Variants in RBFOX1 observed in about 807,000 individuals in gnomAD.
The protein encoded by RBFOX1 is RNA binding protein fox-1 homolog 1.
Under a neutral mutation model 57.7 loss-of-function variants are expected in RBFOX1, and 8 were observed. That is an observed-to-expected ratio of 0.14 (90% confidence interval 0.08 to 0.25). The LOEUF (loss-of-function observed/expected upper bound fraction) is 0.25, where lower values mean the gene tolerates loss of function less well. Ranked by LOEUF, RBFOX1 falls within the 10% of genes least tolerant of loss-of-function variation. The pLI is 1.00. For synonymous variants in RBFOX1, 326 were observed against 222.4 expected, an observed-to-expected ratio of 1.47 and a Z score of -4.15; for missense variants, 611 against 548.5, an observed-to-expected ratio of 1.11 and a Z score of -1.14.
At chr16:6,904,220 C>G (rs774988575) in intron 3 of RBFOX1, among the ~76,000 whole-genome samples, 2 of 152,276 alleles carry the variant, frequency 1.3e-5, no homozygotes, top group East Asian at 1.9e-4. Context: ...ACTTTTGATG[C>G]ACATGTGTGT....
At chr16:5,427,468 C>G (rs1243550195) in intron 1 of RBFOX1, among the ~76,000 whole-genome samples, 2 of 152,082 alleles carry the variant, frequency 1.3e-5, no homozygotes, top group African/African-American at 4.8e-5. Context: ...GCCTGTAACC[C>G]CAGCTACTGG....
chr16:6,642,880 C>G lies in RBFOX1; in HGVS notation c.-63-11723C>G, dbSNP rs74377805. Among the ~76,000 whole-genome samples the G allele has an allele frequency of 4.3e-4, 66 of 152,246 alleles. 2 individuals carry two copies. In the East Asian group the frequency reaches 6.4e-3, roughly 15 times the overall value. On this transcript the variant is annotated intron_variant, in intron 2 of 15. Transcript: ENST00000550418. ...CTGCAACCTACCCAACTAAGGTAAACTTTACTCCCTTGGTTGAAGTGATTT... is the reference window on the plus strand; with the variant it reads ...CTGCAACCTACCCAACTAAGGTAAAGTTTACTCCCTTGGTTGAAGTGATTT...
chr16:6,794,866 C>T (rs914269976), intron 3 of RBFOX1, among the ~76,000 whole-genome samples: 3 of 151,870 alleles, frequency 2.0e-5, no homozygotes, highest in Non-Finnish European at 2.9e-5. Flanking sequence ...CTTTTTTCCC[C>T]CTATGAAAAA....
chr16:5,580,725 G>T (rs533940313), intron 2 of RBFOX1, among the ~76,000 whole-genome samples: 2 of 152,314 alleles, frequency 1.3e-5, no homozygotes, highest in Non-Finnish European at 2.9e-5. Flanking sequence ...CATAGAGGCC[G>T]AGAGGTGGGG....
At chr16:6,504,324 C>A (rs181337713) in intron 2 of RBFOX1, among the ~76,000 whole-genome samples, 2 of 152,326 alleles carry the variant, frequency 1.3e-5, no homozygotes, top group African/African-American at 4.8e-5. Flanking sequence ...GCTTCAACTT[C>A]ACATTCCCCT....
chr16:7,550,593 G>A (rs1043327261), intron 5 of RBFOX1, among the ~76,000 whole-genome samples: 2 of 152,008 alleles, frequency 1.3e-5, no homozygotes, highest in Non-Finnish European at 2.9e-5. Context: ...AACAAACAGT[G>A]CTCAAAAAGG....
chr16:5,910,225 G>C (rs2058572650), intron 4 of RBFOX1, among the ~76,000 whole-genome samples: 1 of 152,144 alleles, frequency 6.6e-6, no homozygotes, highest in Non-Finnish European at 1.5e-5. Context: ...GGGAACTAAA[G>C]TGGGTAGAGA....
chr16:7,697,450 C>G (rs2079140737), intron 14 of RBFOX1, among the ~76,000 whole-genome samples: 1 of 152,084 alleles, frequency 6.6e-6, no homozygotes, highest in Non-Finnish European at 1.5e-5. Flanking sequence ...GCTGAACTCT[C>G]CAAGGTGTAA....
At chr16:7,590,863 GAAAAAAA>G (rs36061659) in intron 7 of RBFOX1, among the ~76,000 whole-genome samples, 5 of 102,900 alleles carry the variant, frequency 4.9e-5, no homozygotes, top group East Asian at 3.2e-4. Context: ...CTGTCTCTAA[GAAAAAAA>G]AAAAAAAAAA....
chr16:5,343,796 G>T (rs11863330), intron 1 of RBFOX1, among the ~76,000 whole-genome samples: 5 of 152,042 alleles, frequency 3.3e-5, no homozygotes, highest in African/African-American at 4.8e-5. Flanking sequence ...AAGGCAAAAG[G>T]GTTATTTGAT....
chr16:7,140,559 T>A (rs1004294299), intron 4 of RBFOX1, among the ~76,000 whole-genome samples: 1 of 152,160 alleles, frequency 6.6e-6, no homozygotes, highest in Non-Finnish European at 1.5e-5. Flanking sequence ...AATGAATGCA[T>A]TGATGAATTT....
At chr16:6,878,096 T>A (rs1376744068) in intron 3 of RBFOX1, among the ~76,000 whole-genome samples, 1 of 152,160 alleles carries the variant, frequency 6.6e-6, no homozygotes, top group African/African-American at 2.4e-5. Flanking sequence ...GGCTGAGATA[T>A]ATGGTGGCGT....
chr16:6,847,214 T>C (rs543775902), intron 3 of RBFOX1, among the ~76,000 whole-genome samples: 1 of 152,140 alleles, frequency 6.6e-6, no homozygotes, highest in African/African-American at 2.4e-5. Context: ...TAATACTGCA[T>C]AACAACATTT....
intron 3 of RBFOX1, among the ~76,000 whole-genome samples, chr16:6,961,541 T>C (rs1197115819): frequency 6.6e-6 from 1 of 152,186 alleles, no homozygotes; most frequent in African/African-American, 2.4e-5. Flanking sequence ...GCAAGTTTAT[T>C]AGACGAGCGA....
At chr16:7,055,923 T>G (rs903416387) in intron 4 of RBFOX1, among the ~76,000 whole-genome samples, 1 of 152,194 alleles carries the variant, frequency 6.6e-6, no homozygotes, top group Non-Finnish European at 1.5e-5. Context: ...GAATTCTGGT[T>G]TGTGGAATTT....
intron 3 of RBFOX1, among the ~76,000 whole-genome samples, chr16:5,714,809 G>A (rs925175396): frequency 6.6e-5 from 10 of 152,112 alleles, no homozygotes; most frequent in African/African-American, 2.2e-4. Flanking sequence ...AACTATTATC[G>A]TCACTGCGTC....
intron 1 of RBFOX1, among the ~76,000 whole-genome samples, chr16:6,305,185 G>C (rs2079348379): frequency 6.6e-6 from 1 of 152,216 alleles, no homozygotes; most frequent in Non-Finnish European, 1.5e-5. Context: ...ACTTGGGATG[G>C]AAGCATTCTC....
rs144760286 is a variant in RBFOX1, at chr16:7,140,602, A to G, written c.27+88504A>G. Among the ~76,000 whole-genome samples, 16 of 152,278 alleles carry G rather than the reference A, an allele frequency of 1.1e-4. No individual in the cohort carries two copies. In the East Asian group the frequency reaches 3.1e-3, roughly 29 times the overall value. Reference sequence around the variant, plus strand: ...TCTTTCTATTTTTTTAAAGGAATGAATAAAAGAATGTGGCATATTTCTAGG... The same window carrying G: ...TCTTTCTATTTTTTTAAAGGAATGAGTAAAAGAATGTGGCATATTTCTAGG... On this transcript the variant is annotated intron_variant, in intron 4 of 15. Coordinates refer to ENST00000550418, the MANE Select transcript of RBFOX1 (RefSeq NM_018723.4).
Position 6,483,441 on chromosome 16 carries a change from G to T in RBFOX1, c.-64+166384G>T, listed in dbSNP as rs2095407265. On this transcript the variant is annotated intron_variant, in intron 2 of 15. Coordinates refer to ENST00000550418, the MANE Select transcript of RBFOX1 (RefSeq NM_018723.4). ...CGTGGGTGCCGTTTGCTGTTGCCTCGGACTTCTCCCGTGCTGTGTTTTCCC... is the reference window on the plus strand; with the variant it reads ...CGTGGGTGCCGTTTGCTGTTGCCTCTGACTTCTCCCGTGCTGTGTTTTCCC... The T allele has an allele frequency of 2.6e-6, 4 of 1,535,652 alleles. No individual in the cohort carries two copies. In the South Asian group the frequency reaches 4.8e-5, roughly 18 times the overall value.
Sources: gnomAD v4.1 joint callset for allele counts (sites outside exome capture counted in the v4.1 genomes callset) on GRCh38, gnomAD v4.1.1 for gene constraint, MANE v1.5 for transcripts, NCBI Gene and HGNC (gene_info 2026-07-23, HGNC 2026-07-21) for gene names.